Variants in PAIP2B observed in about 807,000 individuals in gnomAD.
PAIP2B encodes poly(A) binding protein interacting protein 2B, also known as polyadenylate-binding protein-interacting protein 2B.
PAIP2B carries 13 observed loss-of-function variants against 17.0 expected under a neutral mutation model. The observed-to-expected ratio is 0.76, with a 90% confidence interval of 0.50 to 1.22. The LOEUF (loss-of-function observed/expected upper bound fraction) is 1.22. Ranked by LOEUF, PAIP2B falls within the 50% of genes most tolerant of loss-of-function variation. PAIP2B has a pLI of 0.00. For missense variants in PAIP2B, 117 were observed against 144.5 expected (o/e 0.81, Z 0.98); for synonymous variants, 43 against 48.7 (o/e 0.88, Z 0.48).
intron 1 of PAIP2B, among the ~76,000 whole-genome samples, chr2:71,213,606 T>C (rs1240659498): frequency 6.6e-6 from 1 of 152,172 alleles, no homozygotes; most frequent in African/African-American, 2.4e-5. Context: ...ACTTAAGACT[T>C]CCAATTTTCA....
intron 2 of PAIP2B, among the ~76,000 whole-genome samples, chr2:71,200,054 C>A (rs770983768): frequency 2.6e-5 from 4 of 152,176 alleles, no homozygotes; most frequent in Admixed American, 6.5e-5. Flanking sequence ...CAATGAAAAT[C>A]TTTTCAAAAG....
At chr2:71,191,354 A>G (rs1420376480) in intron 2 of PAIP2B, among the ~76,000 whole-genome samples, 6 of 151,114 alleles carry the variant, frequency 4.0e-5, no homozygotes, top group Admixed American at 4.0e-4. Context: ...CACAAGATGT[A>G]ACATGACCAT....
At chr2:71,191,929 C>G (rs982061048) in intron 2 of PAIP2B, among the ~76,000 whole-genome samples, 4 of 151,514 alleles carry the variant, frequency 2.6e-5, no homozygotes, top group African/African-American at 9.7e-5. Context: ...TCTAGCCAAC[C>G]CTCACCTCAT....
chr2:71,194,080 C>T (rs1674754622), intron 2 of PAIP2B, among the ~76,000 whole-genome samples: 1 of 152,054 alleles, frequency 6.6e-6, no homozygotes, highest in South Asian at 2.1e-4. Context: ...GGTTTATGTG[C>T]CTGCTTTTGT....
chr2:71,202,842 T>C (rs575526894), intron 1 of PAIP2B, among the ~76,000 whole-genome samples: 1 of 152,286 alleles, frequency 6.6e-6, no homozygotes, highest in African/African-American at 2.4e-5. Flanking sequence ...TAGGCTCACT[T>C]AGTCTTTCTA....
chr2:71,192,039 C>G (rs1249129335), intron 2 of PAIP2B, among the ~76,000 whole-genome samples: 1 of 152,166 alleles, frequency 6.6e-6, no homozygotes, highest in Non-Finnish European at 1.5e-5. Flanking sequence ...TCCCACAAAT[C>G]TACACCCAAT....
chr2:71,206,233 G>C (rs1675124604), intron 1 of PAIP2B, among the ~76,000 whole-genome samples: 1 of 152,176 alleles, frequency 6.6e-6, no homozygotes, highest in Non-Finnish European at 1.5e-5. Context: ...ATTTGAAATA[G>C]GTCACTGCTT....
intron 1 of PAIP2B, among the ~76,000 whole-genome samples, chr2:71,226,678 G>C (rs959947143): frequency 1.4e-4 from 22 of 152,238 alleles, no homozygotes; most frequent in South Asian, 4.1e-4. Context: ...CACCTGTGCG[G>C]GGGGGAAAGG....
At chr2:71,224,020 T>C (rs984233357) in intron 1 of PAIP2B, among the ~76,000 whole-genome samples, 2 of 152,212 alleles carry the variant, frequency 1.3e-5, no homozygotes, top group Non-Finnish European at 2.9e-5. Flanking sequence ...AGGTGACTTA[T>C]GGATATACAC....
chr2:71,197,839 T>A (rs1328540532), intron 2 of PAIP2B, among the ~76,000 whole-genome samples: 1 of 152,166 alleles, frequency 6.6e-6, no homozygotes, highest in Non-Finnish European at 1.5e-5. Context: ...CAATTCACTA[T>A]CATGAGAACA....
At chr2:71,211,949 C>A (rs1205790749) in intron 1 of PAIP2B, among the ~76,000 whole-genome samples, 3 of 152,150 alleles carry the variant, frequency 2.0e-5, no homozygotes, top group Admixed American at 1.3e-4. Context: ...AACTCCTTGC[C>A]CCAAAGCCAA....
chr2:71,202,592 T>C lies in PAIP2B; in HGVS notation c.-3A>G, dbSNP rs1675012297. 1 of 1,610,580 alleles carries C rather than the reference T, an allele frequency of 6.2e-7. No individual in the cohort carries two copies. ...TTTGCCATATTGGATCCATTCATTA[T>C]GATGGAACCTAAAGAGAAGCAAAAG... On this transcript the variant is annotated 5_prime_UTR_variant, in exon 2 of 4. Transcript: ENST00000244221.
intron 3 of PAIP2B, 77 bp downstream of exon 3, chr2:71,189,768 G>A: frequency 1.5e-6 from 2 of 1,366,482 alleles, no homozygotes; most frequent in Non-Finnish European, 2.0e-6. Context: ...GGGTTGTAGG[G>A]CTGGAAAGAA....
chr2:71,221,900 A>G (rs560630034), intron 1 of PAIP2B, among the ~76,000 whole-genome samples: 1 of 152,316 alleles, frequency 6.6e-6, no homozygotes, highest in African/African-American at 2.4e-5. Context: ...GCAGGACCCT[A>G]AAAGTAGCCA....
In PAIP2B at chr2:71,188,524, G is replaced by A. The variant is rs762906567; in HGVS notation, c.327C>T (p.Asn109=). ...TAAACTCCTTGGCATCTGGGTTCAGGTTACTTTTGCTCTGAAATAAGAACC... is the reference window on the plus strand; with the variant it reads ...TAAACTCCTTGGCATCTGGGTTCAGATTACTTTTGCTCTGAAATAAGAACC... The part of the protein sequence containing the change: ...HDSEDILSKS[N]LNPDAKEFIP... The change falls in exon 4 of 4, where the codon AAC becomes AAT. Residue 109 remains asparagine (N), a synonymous_variant. Transcript: ENST00000244221. 53 of 1,608,818 alleles carry A rather than the reference G, an allele frequency of 3.3e-5. 3 individuals are homozygous for A. In the South Asian group the frequency reaches 5.8e-4, roughly 18 times the overall value.
chr2:71,194,346 A>G (rs188407953), intron 2 of PAIP2B, among the ~76,000 whole-genome samples: 49 of 152,300 alleles, frequency 3.2e-4, no homozygotes, highest in Admixed American at 9.8e-4. Context: ...CTTCCTATCC[A>G]TGAGCATGGG....
At chr2:71,214,462 A>G (rs1452227339) in intron 1 of PAIP2B, among the ~76,000 whole-genome samples, 2 of 152,244 alleles carry the variant, frequency 1.3e-5, no homozygotes, top group Non-Finnish European at 2.9e-5. Flanking sequence ...CCATGAACAT[A>G]TGAAGCTCCA....
Position 71,185,760 on chromosome 2 carries a change from T to C in PAIP2B, c.*2719A>G, listed in dbSNP as rs1250973165. 6.6e-6 allele frequency: 1 copy of C among 152,186 alleles called. No homozygotes were observed. Among genetic ancestry groups the C allele is most frequent in the Non-Finnish European group, 1.5e-5 (1 of 68,040 alleles). The allele number at this position is 152,186 out of a possible 1,614,324, so 9.4% of individuals were successfully genotyped here. ...GCTGCATTTGCCCAGGCCTAGGCTG[T>C]ATCCTTGAATTTTCTGCTGCAGTTC... On this transcript the variant is annotated 3_prime_UTR_variant, in exon 4 of 4. Coordinates refer to ENST00000244221, the MANE Select transcript of PAIP2B (RefSeq NM_020459.1).
chr2:71,224,169 G>A (rs1675664303), intron 1 of PAIP2B, among the ~76,000 whole-genome samples: 1 of 152,150 alleles, frequency 6.6e-6, no homozygotes. Flanking sequence ...CTGGCTCTGG[G>A]GCCATCTGGA....
Sources: gnomAD v4.1 joint callset for allele counts (sites outside exome capture counted in the v4.1 genomes callset) on GRCh38, gnomAD v4.1.1 for gene constraint, MANE v1.5 for transcripts, NCBI Gene and HGNC (gene_info 2026-07-23, HGNC 2026-07-21) for gene names.